LTBP1: variants seen among roughly 807,000 people sequenced by gnomAD.
LTBP1 encodes the protein latent transforming growth factor beta binding protein 1.
LTBP1 carries 129 observed loss-of-function variants against 207.6 expected under a neutral mutation model. The ratio of observed to expected loss-of-function variants is 0.62; its 90% CI spans 0.54 to 0.72. LTBP1 has a LOEUF of 0.72. Ranked by LOEUF, LTBP1 falls within the 30% of genes least tolerant of loss-of-function variation. The pLI is 0.00. For synonymous variants in LTBP1, 963 were observed against 833.7 expected, an observed-to-expected ratio of 1.16 and a Z score of -2.67; for missense variants, 2,281 against 2,217.2, an observed-to-expected ratio of 1.03 and a Z score of -0.58.
intron 11 of LTBP1, among the ~76,000 whole-genome samples, chr2:33,255,535 A>G (rs543781036): frequency 3.9e-5 from 6 of 152,310 alleles, no homozygotes; most frequent in South Asian, 2.1e-4. Flanking sequence ...ATGCACACGT[A>G]TGTTTATTGC....
chr2:33,168,424 G>GA lies in LTBP1; in HGVS notation c.1202-18424dup, dbSNP rs1378619738. Among the ~76,000 whole-genome samples the GA allele has an allele frequency of 1.1e-4, 16 of 146,568 alleles. No individual in the cohort carries two copies. In the East Asian group the frequency reaches 2.2e-3, roughly 20 times the overall value. ...CAAAAAAAAAAAAAAAAAGAAAAAA[G>GA]AAAAAAAAGAAAATGGGTGTTGTGT... is the stretch of plus-strand genomic sequence containing the variant. On this transcript the variant is annotated intron_variant, in intron 5 of 33. Coordinates refer to ENST00000404816, the MANE Select transcript of LTBP1 (RefSeq NM_206943.4).
At chr2:33,050,152 T>C (rs1193169363) in intron 3 of LTBP1, among the ~76,000 whole-genome samples, 3 of 89,740 alleles carry the variant, frequency 3.3e-5, no homozygotes, top group South Asian at 1.3e-3. Flanking sequence ...TTCTTTTCTT[T>C]TCTTTTTTTT....
At chr2:33,198,681 A>T (rs1432141634) in intron 7 of LTBP1, among the ~76,000 whole-genome samples, 8 of 152,252 alleles carry the variant, frequency 5.3e-5, no homozygotes, top group Non-Finnish European at 8.8e-5. Flanking sequence ...CTAGTGTATT[A>T]GCGTAGAGGT....
At chr2:33,397,476 T>C (rs2095369173) in intron 33 of LTBP1, among the ~76,000 whole-genome samples, 194 bp downstream of exon 33, 2 of 151,170 alleles carry the variant, frequency 1.3e-5, no homozygotes, top group South Asian at 4.2e-4. Flanking sequence ...GTTAAAATGG[T>C]AAATATGTTC....
intron 31 of LTBP1, among the ~76,000 whole-genome samples, chr2:33,369,453 C>T (rs1010553092): frequency 6.6e-6 from 1 of 152,204 alleles, no homozygotes; most frequent in Non-Finnish European, 1.5e-5. Flanking sequence ...TACTTAGGCT[C>T]TTGAGGCCCC....
chr2:33,240,059 A>T (rs2092247517), intron 9 of LTBP1, among the ~76,000 whole-genome samples: 1 of 152,240 alleles, frequency 6.6e-6, no homozygotes, highest in Non-Finnish European at 1.5e-5. Context: ...AGATAGCTTT[A>T]GGCAATGAAG....
At chr2:32,980,874 T>C (rs998615807) in intron 2 of LTBP1, among the ~76,000 whole-genome samples, 1 of 152,220 alleles carries the variant, frequency 6.6e-6, no homozygotes, top group African/African-American at 2.4e-5. Flanking sequence ...AGTGATTTTC[T>C]TTCAGGACTT....
chr2:33,048,000 C>T (rs147200799), intron 3 of LTBP1, among the ~76,000 whole-genome samples: 3 of 151,958 alleles, frequency 2.0e-5, no homozygotes, highest in African/African-American at 7.3e-5. Flanking sequence ...TATTTTGAGC[C>T]TATGTGTGTC....
At chr2:33,222,206 A>G in intron 9 of LTBP1, 55 bp downstream of exon 9, 3 of 1,316,856 alleles carry the variant, frequency 2.3e-6, no homozygotes, top group Non-Finnish European at 2.2e-6. Flanking sequence ...GGCTTTTTAG[A>G]AACTTCAGTT....
intron 24 of LTBP1, among the ~76,000 whole-genome samples, chr2:33,315,904 TC>T (rs2094264417): frequency 6.6e-6 from 1 of 152,104 alleles, no homozygotes; most frequent in Non-Finnish European, 1.5e-5. Flanking sequence ...ACCATTGCAC[TC>T]CAGCCTGGGC....
rs570484246 is a variant in LTBP1 at position 33,246,077 on chromosome 2, GA to G, written c.1999+2298del. 8.4e-3 allele frequency among the ~76,000 whole-genome samples: 1,280 copies of G among 152,210 alleles called. 10 individuals are homozygous for G. Among genetic ancestry groups the G allele is most frequent in the Non-Finnish European group, 0.014 (928 of 68,022 alleles). The stretch of plus-strand genomic sequence containing the variant: ...ATTAAACAACCATCCATTCTTATTT[GA>G]AAAATAAATAATTCAATTTTATGGT... On this transcript the variant is annotated intron_variant, in intron 10 of 33. Coordinates refer to ENST00000404816, the MANE Select transcript of LTBP1 (RefSeq NM_206943.4).
intron 5 of LTBP1, among the ~76,000 whole-genome samples, chr2:33,141,722 G>A (rs1028385790): frequency 5.9e-5 from 9 of 152,218 alleles, no homozygotes; most frequent in African/African-American, 1.2e-4. Flanking sequence ...AGGAAACATC[G>A]CTTACATTGT....
intron 2 of LTBP1, among the ~76,000 whole-genome samples, chr2:32,993,969 AGTGTGTGTGTGTGTGTGTGT>A (rs70938383): frequency 7.2e-6 from 1 of 138,384 alleles, no homozygotes; most frequent in Non-Finnish European, 1.6e-5. Context: ...CAGTTAGGGG[AGTGTGTGTGTGTGTGTGTGT>A]GTGTGTGTGT....
rs544257998 is a variant in LTBP1 at position 32,958,820 on chromosome 2, A to G, written c.565+9875A>G. Reference sequence around the variant, plus strand: ...TGATTGTGACAGCTTTTTCAAGGGCACAACACCTTACTCTGTTTCCTCCTG... The same window carrying G: ...TGATTGTGACAGCTTTTTCAAGGGCGCAACACCTTACTCTGTTTCCTCCTG... On this transcript the variant is annotated intron_variant, in intron 2 of 33. Transcript: ENST00000404816. 7.2e-5 allele frequency among the ~76,000 whole-genome samples: 11 copies of G among 152,230 alleles called. No homozygotes were observed. In the South Asian group the frequency reaches 2.3e-3, roughly 32 times the overall value.
At chr2:33,225,903 G>C (rs1048618850) in intron 9 of LTBP1, among the ~76,000 whole-genome samples, 6 of 152,074 alleles carry the variant, frequency 3.9e-5, no homozygotes, top group Non-Finnish European at 7.3e-5. Flanking sequence ...TTACACAAAT[G>C]ACAGGATTTC....
At chr2:33,106,341 A>G (rs1319429749) in intron 3 of LTBP1, among the ~76,000 whole-genome samples, 4 of 152,236 alleles carry the variant, frequency 2.6e-5, no homozygotes, top group Non-Finnish European at 5.9e-5. Context: ...CTAATGGCAT[A>G]TAGAATGGCA....
chr2:33,223,811 C>T (rs1177864238), intron 9 of LTBP1, among the ~76,000 whole-genome samples: 1 of 152,016 alleles, frequency 6.6e-6, no homozygotes, highest in Non-Finnish European at 1.5e-5. Flanking sequence ...TGTGAAGGAC[C>T]TAGAAACATG....
chr2:33,099,631 A>T (rs1307838013), intron 3 of LTBP1, among the ~76,000 whole-genome samples: 1 of 152,196 alleles, frequency 6.6e-6, no homozygotes, highest in Non-Finnish European at 1.5e-5. Flanking sequence ...GGGCTCTCAG[A>T]GATTCAGCGG....
intron 23 of LTBP1, among the ~76,000 whole-genome samples, chr2:33,312,387 A>G (rs2094200692): frequency 6.6e-6 from 1 of 152,200 alleles, no homozygotes. Context: ...AAAACTAATG[A>G]TGATATACAG....
Sources: allele counts gnomAD v4.1 joint callset (sites outside exome capture counted in the v4.1 genomes callset), GRCh38; gene constraint gnomAD v4.1.1; transcripts MANE v1.5; gene names NCBI Gene and HGNC (gene_info 2026-07-23, HGNC 2026-07-21).